Variants in TTC28 observed in about 807,000 individuals in gnomAD.
TTC28 encodes tetratricopeptide repeat protein 28.
A neutral mutation model predicts 198.0 loss-of-function variants in TTC28; 61 were observed. That is an observed-to-expected ratio of 0.31 (90% confidence interval 0.25 to 0.38). The LOEUF is 0.38. Ranked by LOEUF, TTC28 falls within the 10% of genes least tolerant of loss-of-function variation. The pLI is 1.00. For synonymous variants in TTC28, 1,171 were observed against 1,297.8 expected, an observed-to-expected ratio of 0.90 and a Z score of 2.10; for missense variants, 2,678 against 3,164.0, an observed-to-expected ratio of 0.85 and a Z score of 3.69.
At chr22:28,400,327 C>T (rs1040505119) in intron 2 of TTC28, among the ~76,000 whole-genome samples, 4 of 152,220 alleles carry the variant, frequency 2.6e-5, no homozygotes, top group Non-Finnish European at 5.9e-5. Context: ...CAGTCCTGCT[C>T]AGCATTTCAA....
chr22:28,388,552 G>A (rs542633919), intron 2 of TTC28, among the ~76,000 whole-genome samples: 1 of 152,190 alleles, frequency 6.6e-6, no homozygotes, highest in African/African-American at 2.4e-5. Flanking sequence ...CCTTAAAGAG[G>A]TCCTTCACAT....
chr22:28,099,944 C>T (rs778470480), intron 9 of TTC28, among the ~76,000 whole-genome samples: 4 of 152,214 alleles, frequency 2.6e-5, no homozygotes, highest in Non-Finnish European at 5.9e-5. Context: ...AGGAGCCATG[C>T]CCACTCACAT....
chr22:28,070,748 C>T (rs1443430024), intron 12 of TTC28, among the ~76,000 whole-genome samples: 1 of 152,146 alleles, frequency 6.6e-6, no homozygotes. Flanking sequence ...TTCAGTCTTT[C>T]CATTTCATCT....
At chr22:28,482,712 A>C (rs935805516) in intron 2 of TTC28, among the ~76,000 whole-genome samples, 3 of 152,174 alleles carry the variant, frequency 2.0e-5, no homozygotes, top group Non-Finnish European at 4.4e-5. Context: ...CATACTCATT[A>C]AGCAGCTTCT....
At chr22:28,022,776 A>C (rs1184472602) in intron 13 of TTC28, among the ~76,000 whole-genome samples, 1 of 152,264 alleles carries the variant, frequency 6.6e-6, no homozygotes, top group East Asian at 1.9e-4. Context: ...GGAAAAATTA[A>C]TTGGCAAATA....
rs866191693 is a variant in TTC28 at position 28,508,106 on chromosome 22, G to A, written c.381+121446C>T. Among the ~76,000 whole-genome samples, 9 of 152,078 alleles carry A rather than the reference G, an allele frequency of 5.9e-5. No homozygotes were observed. The East Asian group carries it at 1.5e-3, about 26-fold the overall frequency. On this transcript the variant is annotated intron_variant, in intron 2 of 22. Transcript: ENST00000397906. ...CTAAATGCACCAATTAAAAGACACAGATGGAAAGCTAGATAAAGAGCCAAC... is the reference window on the plus strand; with the variant it reads ...CTAAATGCACCAATTAAAAGACACAAATGGAAAGCTAGATAAAGAGCCAAC...
intron 2 of TTC28, among the ~76,000 whole-genome samples, chr22:28,439,097 A>G (rs185332126): frequency 1.3e-5 from 2 of 152,226 alleles, no homozygotes; most frequent in Non-Finnish European, 2.9e-5. Flanking sequence ...ATTTACTTTC[A>G]TAACAAATAA....
chr22:28,052,166 CA>C (rs1210188896), intron 12 of TTC28, among the ~76,000 whole-genome samples: 2 of 152,118 alleles, frequency 1.3e-5, no homozygotes, highest in Non-Finnish European at 2.9e-5. Context: ...AAGTCTTTAA[CA>C]AGTATAAAGT....
At chr22:28,371,245 T>C (rs866485130) in intron 2 of TTC28, among the ~76,000 whole-genome samples, 11 of 151,458 alleles carry the variant, frequency 7.3e-5, no homozygotes, top group Non-Finnish European at 1.3e-4. Flanking sequence ...TGGCCAGGCA[T>C]GGTGGCTCAT....
intron 2 of TTC28, among the ~76,000 whole-genome samples, chr22:28,328,716 T>C (rs1049931231): frequency 1.3e-5 from 2 of 150,116 alleles, no homozygotes; most frequent in Admixed American, 1.3e-4. Context: ...ATCGTGCCAC[T>C]GCACTCCAGC....
chr22:28,011,223 T>G (rs1938147186), intron 14 of TTC28, among the ~76,000 whole-genome samples: 1 of 152,224 alleles, frequency 6.6e-6, no homozygotes, highest in Admixed American at 6.5e-5. Context: ...TACATGTCAC[T>G]TCATTCACAT....
intron 1 of TTC28, among the ~76,000 whole-genome samples, chr22:28,649,850 T>C (rs952223691): frequency 1.3e-5 from 2 of 152,214 alleles, no homozygotes; most frequent in Admixed American, 6.5e-5. Flanking sequence ...GAATAATTTA[T>C]GTTATATGCC....
At chr22:28,676,334 T>A (rs2051989778) in intron 1 of TTC28, among the ~76,000 whole-genome samples, 1 of 152,080 alleles carries the variant, frequency 6.6e-6, no homozygotes, top group Non-Finnish European at 1.5e-5. Context: ...AGTAGGCTAG[T>A]TATTGCCAGG....
chr22:28,656,267 C>T (rs952153148), intron 1 of TTC28, among the ~76,000 whole-genome samples: 12 of 152,298 alleles, frequency 7.9e-5, no homozygotes, highest in Admixed American at 5.2e-4. Context: ...CTTGATAAAA[C>T]TGGTCCTCAA....
At chr22:28,334,065 T>C (rs1486351985) in intron 2 of TTC28, among the ~76,000 whole-genome samples, 6 of 141,896 alleles carry the variant, frequency 4.2e-5, no homozygotes, top group Non-Finnish European at 7.5e-5. Context: ...TGTGTTCTCA[T>C]TGTTCAATTC....
At chr22:27,996,988 T>C (rs1319249863) in intron 16 of TTC28, among the ~76,000 whole-genome samples, 1 of 152,252 alleles carries the variant, frequency 6.6e-6, no homozygotes, top group Non-Finnish European at 1.5e-5. Context: ...GTAAGCACAC[T>C]GGGCAGACCT....
intron 5 of TTC28, among the ~76,000 whole-genome samples, chr22:28,260,364 A>G (rs1055361605): frequency 1.3e-5 from 2 of 152,150 alleles, no homozygotes; most frequent in Non-Finnish European, 2.9e-5. Context: ...ACCATCTAGA[A>G]AAGAATGGGA....
At chr22:28,471,433 G>A (rs1242183297) in intron 2 of TTC28, among the ~76,000 whole-genome samples, 1 of 152,174 alleles carries the variant, frequency 6.6e-6, no homozygotes, top group Non-Finnish European at 1.5e-5. Flanking sequence ...AACAGTCTCT[G>A]TGACAAAAGA....
At chr22:28,622,809 T>G (rs2051021162) in intron 2 of TTC28, among the ~76,000 whole-genome samples, 1 of 151,796 alleles carries the variant, frequency 6.6e-6, no homozygotes, top group Admixed American at 6.6e-5. Flanking sequence ...ATGTCTATAT[T>G]AATATCAGAC....
Sources: gnomAD v4.1 joint callset for allele counts (sites outside exome capture counted in the v4.1 genomes callset) on GRCh38, gnomAD v4.1.1 for gene constraint, MANE v1.5 for transcripts, NCBI Gene and HGNC (gene_info 2026-07-23, HGNC 2026-07-21) for gene names.